The following C12orf50 variants were observed in gnomAD, a reference collection of about 807,000 sequenced individuals.
C12orf50 encodes uncharacterized protein C12orf50.
Under a neutral mutation model 61.6 loss-of-function variants are expected in C12orf50, and 35 were observed. The ratio of observed to expected loss-of-function variants is 0.57; its 90% confidence interval spans 0.43 to 0.75. The LOEUF (loss-of-function observed/expected upper bound fraction) is 0.75, where lower values mean the gene tolerates loss of function less well. Ranked by LOEUF, C12orf50 falls within the 30% of genes least tolerant of loss-of-function variation. C12orf50 has a pLI of 0.00. For synonymous variants in C12orf50, 178 were observed against 161.5 expected (o/e 1.10, Z -0.77); for missense variants, 475 against 488.5 (o/e 0.97, Z 0.26).
rs115612823 is a variant in C12orf50, at chr12:88,013,389, A to G, written c.133+13099T>C. Reference sequence around the variant, plus strand: ...TACTAAATTTTGAGGAAGCATTGCTATTACAAGTATTATTGGACAATTAGG... The same window carrying G: ...TACTAAATTTTGAGGAAGCATTGCTGTTACAAGTATTATTGGACAATTAGG... On this transcript the variant is annotated intron_variant, in intron 3 of 12. Coordinates refer to ENST00000298699, the MANE Select transcript of C12orf50 (RefSeq NM_152589.3). Among the ~76,000 whole-genome samples the G allele has an allele frequency of 6.4e-3, 970 of 152,288 alleles. 12 individuals carry two copies. The highest frequency in any genetic ancestry group is 0.022 in the African/African-American group (934 of 41,564).
At chr12:87,995,554 T>A (rs529508276) in intron 6 of C12orf50, among the ~76,000 whole-genome samples, 1 of 152,300 alleles carries the variant, frequency 6.6e-6, no homozygotes, top group Admixed American at 6.5e-5. Flanking sequence ...TATATAGGAA[T>A]TAACCAAAAC....
intron 7 of C12orf50, among the ~76,000 whole-genome samples, chr12:87,991,069 G>T (rs1349330725): frequency 6.6e-6 from 1 of 151,988 alleles, no homozygotes; most frequent in Non-Finnish European, 1.5e-5. Flanking sequence ...TAGGGGTAAG[G>T]GTCTTGTCCG....
chr12:87,993,919 A>C (rs2031252765), intron 7 of C12orf50, among the ~76,000 whole-genome samples: 2 of 152,030 alleles, frequency 1.3e-5, no homozygotes, highest in African/African-American at 2.4e-5. Context: ...CTTTAAGTCC[A>C]CTGGGCTCGG....
At chr12:87,986,128 A>C in intron 10 of C12orf50, 75 bp from the exon 11 acceptor site, 1 of 1,486,702 alleles carries the variant, frequency 6.7e-7, no homozygotes, top group Non-Finnish European at 9.3e-7. Flanking sequence ...ATTGCACTGC[A>C]AATACTTCAT....
chr12:88,008,437 T>C (rs1017298337), intron 3 of C12orf50, among the ~76,000 whole-genome samples: 2 of 152,178 alleles, frequency 1.3e-5, no homozygotes, highest in African/African-American at 4.8e-5. Context: ...GGTGTATATG[T>C]ATTAATACCA....
At chr12:88,017,259 A>T (rs1359773261) in intron 3 of C12orf50, among the ~76,000 whole-genome samples, 2 of 152,150 alleles carry the variant, frequency 1.3e-5, no homozygotes, top group Non-Finnish European at 2.9e-5. Flanking sequence ...TTCTCATGAT[A>T]GTGAATAAGT....
rs758515245 is a variant in C12orf50 at position 87,986,441 on chromosome 12, A to AT, written c.818-26dup. The AT allele has an allele frequency of 5.3e-6, 8 of 1,523,302 alleles. No individual in the cohort carries two copies. The African/African-American group carries it at 1.1e-4, about 21-fold the overall frequency. 94.4% of individuals were successfully genotyped at this position (1,523,302 alleles called of 1,614,324 possible). A position where few individuals can be genotyped will look rare whatever the true frequency, so the allele number is the denominator to read the frequency against. On this transcript the variant is annotated intron_variant, in intron 9 of 12. Transcript: ENST00000298699. ...ACTTAGAAAAGATACAAATTTTACA[A>AT]TTTTTTAAGAGATGCTTTCATCTCT...
chr12:87,995,690 G>GT (rs55922307), intron 6 of C12orf50, among the ~76,000 whole-genome samples: 26,016 of 152,006 alleles, frequency 0.17, 2,934 homozygotes, highest in Non-Finnish European at 0.24. Context: ...GTTTCCTTTT[G>GT]TTTTTTCTTC....
chr12:88,023,112 C>T (rs1273594626), intron 3 of C12orf50, among the ~76,000 whole-genome samples: 3 of 152,068 alleles, frequency 2.0e-5, no homozygotes, highest in African/African-American at 7.2e-5. Flanking sequence ...AACTATACTA[C>T]AGGTCTACGG....
Position 88,010,147 on chromosome 12 carries a change from G to A in C12orf50, c.134-11957C>T, listed in dbSNP as rs77490827. Among the ~76,000 whole-genome samples, 1,051 of 152,064 alleles carry A rather than the reference G, an allele frequency of 6.9e-3. 14 individuals carry two copies. Among genetic ancestry groups the A allele is most frequent in the African/African-American group, 0.024 (1,014 of 41,508 alleles). ...CAAGTGTCCATCTATGGAAAGGTCT[G>A]TTTCCATCTACTCTGTCCCACTCAC... On this transcript the variant is annotated intron_variant, in intron 3 of 12. Transcript: ENST00000298699.
intron 3 of C12orf50, among the ~76,000 whole-genome samples, chr12:88,003,349 AG>A (rs2031727772): frequency 6.6e-6 from 1 of 151,990 alleles, no homozygotes; most frequent in African/African-American, 2.4e-5. Flanking sequence ...TAGAAGGAAA[AG>A]AAATATGCCC....
At chr12:88,027,339 G>A (rs2032747341) in intron 1 of C12orf50, among the ~76,000 whole-genome samples, 1 of 152,126 alleles carries the variant, frequency 6.6e-6, no homozygotes, top group African/African-American at 2.4e-5. Context: ...AATCCATATG[G>A]TTCACTAGGA....
In C12orf50 at chr12:88,029,067, C is replaced by A. The variant is rs891454357; in HGVS notation, c.-109+273G>T. On this transcript the variant is annotated intron_variant, in intron 1 of 12. Transcript: ENST00000298699. The stretch of plus-strand genomic sequence containing the variant: ...GTACTGTCAATTGTACAATATTTAC[C>A]TTTATGCATGTGGAATTAAAAAAGA... The A allele has an allele frequency of 3.1e-6, 4 of 1,282,612 alleles. No individual in the cohort carries two copies. In the Admixed American group the frequency reaches 9.3e-5, roughly 30 times the overall value. 79.5% of individuals were successfully genotyped at this position (1,282,612 alleles called of 1,614,324 possible).
chr12:88,025,604 C>A (rs188450871), intron 3 of C12orf50, among the ~76,000 whole-genome samples: 1 of 151,922 alleles, frequency 6.6e-6, no homozygotes, highest in Non-Finnish European at 1.5e-5. Flanking sequence ...CTGGGTGTGG[C>A]GGTGCGTGCC....
In C12orf50 at chr12:87,996,406, T is replaced by A; in HGVS notation, c.449A>T (p.Lys150Met). The change falls in exon 6 of 13, where the codon AAG (lysine) becomes ATG (methionine). Residue 150 changes from lysine (K) to methionine (M), a missense_variant. Coordinates refer to ENST00000298699, the MANE Select transcript of C12orf50 (RefSeq NM_152589.3). ...MTPTAEKQLE[K>M]PLENGSELQE... ...CAATTCACTGCCATTTTCCAAAGGC[T>A]TTTCTAACTGTTTTTCTGCTGTAGG... The A allele has an allele frequency of 6.2e-7, 1 of 1,613,244 alleles. No individual in the cohort carries two copies. The highest frequency in any genetic ancestry group is 8.5e-7 in the Non-Finnish European group (1 of 1,179,422).
At chr12:88,019,771 T>C (rs1169643286) in intron 3 of C12orf50, among the ~76,000 whole-genome samples, 6 of 151,468 alleles carry the variant, frequency 4.0e-5, no homozygotes, top group Admixed American at 3.9e-4. Flanking sequence ...AGAAAAAAAA[T>C]GTTAAAGACA....
chr12:87,998,267 C>A, intron 3 of C12orf50, 77 bp from the exon 4 acceptor site: 1 of 1,118,724 alleles, frequency 8.9e-7, no homozygotes, highest in East Asian at 2.5e-5. Context: ...AATCATTGCC[C>A]TCCTAATTAA....
chr12:87,997,314 C>A lies in C12orf50; in HGVS notation c.290-668G>T, dbSNP rs189669889. On this transcript the variant is annotated intron_variant, in intron 4 of 12. Transcript: ENST00000298699. ...TAATACATATGTAGATAAACAGATA[C>A]ACTTGTGCATCAATGTTTTAGAAAC... Among the ~76,000 whole-genome samples the A allele has an allele frequency of 3.3e-5, 5 of 151,986 alleles. No individual in the cohort carries two copies. The East Asian group carries it at 9.6e-4, about 29-fold the overall frequency.
chr12:87,994,260 G>C (rs1013555255), intron 7 of C12orf50, among the ~76,000 whole-genome samples: 1 of 151,890 alleles, frequency 6.6e-6, no homozygotes, highest in African/African-American at 2.4e-5. Context: ...TTAATCAAAT[G>C]ATTTATTAAG....
Sources: allele counts gnomAD v4.1 joint callset (sites outside exome capture counted in the v4.1 genomes callset), GRCh38; gene constraint gnomAD v4.1.1; transcripts MANE v1.5; gene names NCBI Gene and HGNC (gene_info 2026-07-23, HGNC 2026-07-21).